Variants in TIAM1 observed in about 807,000 individuals in gnomAD.
TIAM1 encodes the protein TIAM Rac1 associated GEF 1, also known as rho guanine nucleotide exchange factor TIAM1.
In TIAM1, 65 loss-of-function variants were observed where a neutral mutation model predicts 163.5. The ratio of observed to expected loss-of-function variants is 0.40; its 90% CI spans 0.33 to 0.49. The LOEUF is 0.49. Ranked by LOEUF, TIAM1 falls within the 20% of genes least tolerant of loss-of-function variation. The pLI is 0.77. For synonymous variants in TIAM1, 833 were observed against 810.1 expected, an observed-to-expected ratio of 1.03 and a Z score of -0.48; for missense variants, 1,789 against 2,044.7, an observed-to-expected ratio of 0.87 and a Z score of 2.41.
chr21:31,369,452 CA>C (rs1180740858), intron 2 of TIAM1, among the ~76,000 whole-genome samples: 1 of 151,988 alleles, frequency 6.6e-6, no homozygotes, highest in Non-Finnish European at 1.5e-5. Flanking sequence ...TAACAGATAC[CA>C]AATTACAGCT....
upstream of TIAM1, among the ~76,000 whole-genome samples, chr21:31,348,410 T>TCTC (rs752854809): frequency 1.7e-4 from 26 of 151,644 alleles, no homozygotes; most frequent in Admixed American, 7.9e-4. Flanking sequence ...CAGGGAAGAG[T>TCTC]CTCCTCCTCC....
intron 2 of TIAM1, among the ~76,000 whole-genome samples, chr21:31,410,544 AGTGTGAGCAT>A (rs2077337197): frequency 6.6e-6 from 1 of 150,912 alleles, no homozygotes; most frequent in African/African-American, 2.4e-5. Context: ...TTTATGTATA[AGTGTGAGCAT>A]GTGTGAGCAA....
intron 22 of TIAM1, among the ~76,000 whole-genome samples, chr21:31,139,773 G>T (rs2082763415): frequency 6.6e-6 from 1 of 152,178 alleles, no homozygotes; most frequent in African/African-American, 2.4e-5. Context: ...AAATTGTGTT[G>T]CAGTTGAAAA....
intron 6 of TIAM1, among the ~76,000 whole-genome samples, chr21:31,243,708 CACA>C (rs1238130496): frequency 6.6e-6 from 1 of 152,068 alleles, no homozygotes; most frequent in East Asian, 1.9e-4. Flanking sequence ...GATACCTAGA[CACA>C]TAATACTCAA....
At chr21:31,282,029 G>C (rs1266652133) in intron 2 of TIAM1, among the ~76,000 whole-genome samples, 1 of 152,230 alleles carries the variant, frequency 6.6e-6, no homozygotes, top group African/African-American at 2.4e-5. Flanking sequence ...AATTTAAAAA[G>C]TAATAGGAGG....
intron 1 of TIAM1, among the ~76,000 whole-genome samples, chr21:31,521,185 T>C (rs551883013): frequency 2.7e-4 from 41 of 152,102 alleles, no homozygotes; most frequent in Non-Finnish European, 5.0e-4. Context: ...GAAACCCTCA[T>C]CCTAAAACTC....
chr21:31,188,599 G>C (rs986270054), intron 13 of TIAM1, among the ~76,000 whole-genome samples: 10 of 152,152 alleles, frequency 6.6e-5, no homozygotes, highest in Non-Finnish European at 1.3e-4. Context: ...TAAAGAGACA[G>C]GGTCTTGCTC....
intron 2 of TIAM1, among the ~76,000 whole-genome samples, chr21:31,352,690 T>C (rs114626008): frequency 0.031 from 4,747 of 151,232 alleles, 268 homozygotes; most frequent in African/African-American, 0.11. Flanking sequence ...CATCTCTACT[T>C]AAAAATAAAT....
chr21:31,497,306 G>A (rs138104657), intron 1 of TIAM1, among the ~76,000 whole-genome samples: 1 of 152,134 alleles, frequency 6.6e-6, no homozygotes, highest in Non-Finnish European at 1.5e-5. Context: ...CATTATTCTT[G>A]CTACTTTTCT....
chr21:31,144,848 A>G (rs539922200), intron 20 of TIAM1, among the ~76,000 whole-genome samples: 111 of 147,892 alleles, frequency 7.5e-4, no homozygotes, highest in South Asian at 6.9e-3. Flanking sequence ...AAAAAAAAAA[A>G]AAAAGAAAAG....
intron 2 of TIAM1, among the ~76,000 whole-genome samples, chr21:31,367,917 A>C (rs2076528420): frequency 6.6e-6 from 1 of 152,230 alleles, no homozygotes; most frequent in Non-Finnish European, 1.5e-5. Flanking sequence ...AAACTGCTTC[A>C]TGGACCACAA....
intron 1 of TIAM1, among the ~76,000 whole-genome samples, chr21:31,500,788 C>T (rs1357719845): frequency 6.6e-6 from 1 of 152,106 alleles, no homozygotes; most frequent in Non-Finnish European, 1.5e-5. Context: ...CCCACGGAGC[C>T]GTCAGAATGA....
intron 2 of TIAM1, among the ~76,000 whole-genome samples, chr21:31,281,085 C>CA (rs748020575): frequency 0.34 from 21,759 of 63,636 alleles, 2,846 homozygotes; most frequent in East Asian, 0.44. Context: ...GACCCTAACT[C>CA]AAAAAAAAAA....
intron 15 of TIAM1, among the ~76,000 whole-genome samples, chr21:31,175,196 G>A (rs769526920): frequency 1.2e-4 from 19 of 152,300 alleles, no homozygotes; most frequent in Non-Finnish European, 2.5e-4. Context: ...TCCCGCCTCA[G>A]CCTCCCAAAG....
chr21:31,416,727 A>T (rs992059335), intron 2 of TIAM1, among the ~76,000 whole-genome samples: 1 of 152,258 alleles, frequency 6.6e-6, no homozygotes, highest in African/African-American at 2.4e-5. Context: ...ATGTGCACAC[A>T]AAGTGAAGTT....
At chr21:31,387,770 A>T (rs1020415922) in intron 2 of TIAM1, among the ~76,000 whole-genome samples, 1 of 151,788 alleles carries the variant, frequency 6.6e-6, no homozygotes, top group African/African-American at 2.4e-5. Context: ...TCACTTGGGG[A>T]GGAGGTGGGC....
chr21:31,171,691 TTTA>T (rs761670855), intron 15 of TIAM1, among the ~76,000 whole-genome samples: 2 of 152,174 alleles, frequency 1.3e-5, no homozygotes, highest in Non-Finnish European at 2.9e-5. Flanking sequence ...AGCGCAGACT[TTTA>T]TGTCTATTTC....
chr21:31,298,106 A>G (rs925974914), intron 2 of TIAM1, among the ~76,000 whole-genome samples: 1 of 152,194 alleles, frequency 6.6e-6, no homozygotes, highest in African/African-American at 2.4e-5. Context: ...TGGCCTGTCC[A>G]CAGCTGAGCG....
chr21:31,404,424 TAGAC>T (rs1389064999), intron 2 of TIAM1, among the ~76,000 whole-genome samples: 1 of 152,022 alleles, frequency 6.6e-6, no homozygotes, highest in Non-Finnish European at 1.5e-5. Context: ...ATTACAGTCT[TAGAC>T]AGAGGTTCTG....
Sources: allele counts gnomAD v4.1 joint callset (sites outside exome capture counted in the v4.1 genomes callset), GRCh38; gene constraint gnomAD v4.1.1; transcripts MANE v1.5; gene names NCBI Gene and HGNC (gene_info 2026-07-23, HGNC 2026-07-21).